RERE: variants seen among roughly 807,000 people sequenced by gnomAD.
The protein encoded by RERE is arginine-glutamic acid dipeptide repeats.
Under a neutral mutation model 146.1 loss-of-function variants are expected in RERE, and 40 were observed. The observed-to-expected ratio is 0.27, with a 90% confidence interval of 0.21 to 0.36. RERE has a LOEUF of 0.36. RERE is among the 10% of genes least tolerant of loss of function. RERE has a pLI of 1.00. For synonymous variants in RERE, 1,003 were observed against 866.0 expected (o/e 1.16, Z -2.78); for missense variants, 1,933 against 2,138.7 (o/e 0.90, Z 1.90).
At chr1:8,400,222 A>ATATGTGCGTGTGTGTGTG (rs368219880) in intron 12 of RERE, among the ~76,000 whole-genome samples, 1 of 140,062 alleles carries the variant, frequency 7.1e-6, no homozygotes, top group Non-Finnish European at 1.5e-5. Context: ...CCTGTGTCAT[A>ATATGTGCGTGTGTGTGTG]TGTGTGTGTG....
chr1:8,448,552 T>A (rs970270301), intron 11 of RERE, among the ~76,000 whole-genome samples: 1 of 151,264 alleles, frequency 6.6e-6, no homozygotes, highest in East Asian at 1.9e-4. Flanking sequence ...AAGTCAGGAG[T>A]TGGAGACCAG....
At chr1:8,739,392 G>C (rs1206529843) in intron 1 of RERE, among the ~76,000 whole-genome samples, 4 of 152,156 alleles carry the variant, frequency 2.6e-5, no homozygotes, top group Non-Finnish European at 5.9e-5. Context: ...TTGTGGGAGA[G>C]TGTCTCAGTG....
chr1:8,391,106 C>G (rs1290118589), intron 12 of RERE, among the ~76,000 whole-genome samples: 1 of 152,260 alleles, frequency 6.6e-6, no homozygotes, highest in East Asian at 1.9e-4. Context: ...TTAAAAATAA[C>G]AAAATAAACA....
chr1:8,564,112 G>A lies in RERE; in HGVS notation c.523-6589C>T, dbSNP rs555000873. On this transcript the variant is annotated intron_variant, in intron 4 of 22. Coordinates refer to ENST00000400908, the MANE Select transcript of RERE (RefSeq NM_001042681.2). ...ACGTGTCACCTTAGCTAAGACCTTGGGGACACAGTCATAATGGCTTTGATC... is the reference window on the plus strand; with the variant it reads ...ACGTGTCACCTTAGCTAAGACCTTGAGGACACAGTCATAATGGCTTTGATC... 2.6e-5 allele frequency among the ~76,000 whole-genome samples: 4 copies of A among 152,240 alleles called. No individual in the cohort carries two copies. In the South Asian group the frequency reaches 8.3e-4, roughly 32 times the overall value.
intron 1 of RERE, among the ~76,000 whole-genome samples, chr1:8,758,020 A>G (rs1394792482): frequency 1.3e-5 from 2 of 152,200 alleles, no homozygotes; most frequent in African/African-American, 2.4e-5. Context: ...GTTAAGTGAA[A>G]TAAGTCAGAC....
intron 1 of RERE, among the ~76,000 whole-genome samples, chr1:8,776,333 T>C (rs1033926095): frequency 6.6e-6 from 1 of 152,226 alleles, no homozygotes; most frequent in African/African-American, 2.4e-5. Flanking sequence ...GGGCTCCCTC[T>C]GTAGCCCAGG....
intron 6 of RERE, among the ~76,000 whole-genome samples, chr1:8,541,647 T>A (rs927176893): frequency 1.3e-5 from 2 of 152,050 alleles, no homozygotes; most frequent in African/African-American, 4.8e-5. Flanking sequence ...TAAGAAAAAC[T>A]CAGTTTAAAG....
Position 8,356,074 on chromosome 1 carries a change from C to T in RERE, c.4486+26G>A, listed in dbSNP as rs548334700. The T allele has an allele frequency of 2.2e-5, 33 of 1,468,756 alleles. No individual in the cohort carries two copies. The highest frequency in any genetic ancestry group is 7.4e-5 in the African/African-American group (5 of 67,762). 91.0% of individuals were successfully genotyped at this position (1,468,756 alleles called of 1,614,324 possible). On this transcript the variant is annotated intron_variant, in intron 21 of 22. Coordinates refer to ENST00000400908, the MANE Select transcript of RERE (RefSeq NM_001042681.2). This position sits in a 1 kb window ranked among gnomAD's most constrained non-coding sequence, Gnocchi z 5.2. ...CAACCCAACCCTCACACGGCCTCCC[C>T]GCCCCTCCTGGAGGGGAAGTCTTAC...
chr1:8,503,087 A>AAT (rs1645200734), intron 8 of RERE, among the ~76,000 whole-genome samples: 45 of 144,652 alleles, frequency 3.1e-4, no homozygotes, highest in African/African-American at 1.1e-3. Context: ...TGATCAATTA[A>AAT]AAATAAATAA....
At chr1:8,529,569 G>A (rs1257055598) in intron 7 of RERE, among the ~76,000 whole-genome samples, 1 of 151,614 alleles carries the variant, frequency 6.6e-6, no homozygotes. Flanking sequence ...CAAACTGCTG[G>A]GATTACAGGC....
intron 1 of RERE, among the ~76,000 whole-genome samples, chr1:8,735,587 T>A (rs1300162816): frequency 1.3e-5 from 2 of 152,190 alleles, no homozygotes; most frequent in East Asian, 3.8e-4. Context: ...ATAATATGGT[T>A]TGGACTTGTG....
chr1:8,675,726 AATACATACATATATACATAC>A (rs1187144383), intron 1 of RERE, among the ~76,000 whole-genome samples: 3 of 141,572 alleles, frequency 2.1e-5, no homozygotes, highest in Non-Finnish European at 4.6e-5. Context: ...TCCGACTCAA[AATACATACATATATACATAC>A]ATACATACAT....
chr1:8,361,987 T>G, intron 16 of RERE, 111 bp from the exon 17 acceptor site: 1 of 736,034 alleles, frequency 1.4e-6, no homozygotes, highest in Non-Finnish European at 2.3e-6. Flanking sequence ...CTGAGTTCCA[T>G]CTCCAGGAGC....
At chr1:8,478,290 G>A (rs556051367) in intron 10 of RERE, among the ~76,000 whole-genome samples, 3 of 152,310 alleles carry the variant, frequency 2.0e-5, no homozygotes, top group South Asian at 4.1e-4. Flanking sequence ...CAGAGGCATC[G>A]AGTAAAGGTG....
chr1:8,397,326 C>T (rs1261613165), intron 12 of RERE, among the ~76,000 whole-genome samples: 7 of 152,158 alleles, frequency 4.6e-5, no homozygotes, highest in Non-Finnish European at 1.0e-4. Flanking sequence ...AATAAGAGCT[C>T]AATCACTGCT....
intron 2 of RERE, among the ~76,000 whole-genome samples, chr1:8,625,330 A>G (rs1007188420): frequency 3.9e-5 from 6 of 152,204 alleles, no homozygotes; most frequent in Non-Finnish European, 2.9e-5. Context: ...AGCAGTGGCT[A>G]TAGAGAGAGT....
chr1:8,720,830 C>T (rs554124398), intron 1 of RERE, among the ~76,000 whole-genome samples: 14 of 152,244 alleles, frequency 9.2e-5, no homozygotes, highest in African/African-American at 2.2e-4. Context: ...CTGAAGAGGG[C>T]GGATTACTTG....
Position 8,443,465 on chromosome 1 carries a change from A to AG in RERE, c.1204-20659_1204-20658insC, listed in dbSNP as rs541726979. Among the ~76,000 whole-genome samples, 26 of 150,458 alleles carry AG rather than the reference A, an allele frequency of 1.7e-4. No individual in the cohort carries two copies. In the South Asian group the frequency reaches 4.4e-3, roughly 25 times the overall value. ...AGACTCAGTCTCAAAAAAAGAAAAA[A>AG]AAAAAAAAAAAAAAGAAAGAAAAGC... On this transcript the variant is annotated intron_variant, in intron 11 of 22. Coordinates refer to ENST00000400908, the MANE Select transcript of RERE (RefSeq NM_001042681.2).
chr1:8,686,892 A>C (rs1639101396), intron 1 of RERE, among the ~76,000 whole-genome samples: 2 of 152,174 alleles, frequency 1.3e-5, no homozygotes, highest in African/African-American at 4.8e-5. Context: ...TGAGCTACAG[A>C]TATTTGGAGA....
Sources: gnomAD v4.1 joint callset for allele counts (sites outside exome capture counted in the v4.1 genomes callset) on GRCh38, gnomAD v4.1.1 for gene constraint, Gnocchi (gnomAD v3.1) non-coding constraint, MANE v1.5 for transcripts, NCBI Gene and HGNC (gene_info 2026-07-23, HGNC 2026-07-21) for gene names.